ARHGEF11: variants seen among roughly 807,000 people sequenced by gnomAD.
ARHGEF11 encodes Rho guanine nucleotide exchange factor 11.
In ARHGEF11, 55 loss-of-function variants were observed where a neutral mutation model predicts 193.7. That is an observed-to-expected ratio of 0.28 (90% CI 0.23 to 0.36). ARHGEF11 has a LOEUF of 0.36. Ranked by LOEUF, ARHGEF11 falls within the 10% of genes least tolerant of loss-of-function variation. The pLI, the probability that ARHGEF11 is intolerant of heterozygous loss-of-function variation, is 1.00. For synonymous variants in ARHGEF11, 693 were observed against 768.0 expected (o/e 0.90, Z 1.62); for missense variants, 1,723 against 2,005.6 (o/e 0.86, Z 2.69).
chr1:156,963,514 C>G lies in ARHGEF11; in HGVS notation c.1038+6G>C. 6.2e-7 allele frequency: 1 copy of G among 1,612,260 alleles called. No homozygotes were observed. Among genetic ancestry groups the G allele is most frequent in the Non-Finnish European group, 8.5e-7 (1 of 1,179,420 alleles). On this transcript the variant is annotated splice_donor_region_variant and intron_variant, in intron 12 of 40. Coordinates refer to ENST00000368194, the MANE Select transcript of ARHGEF11 (RefSeq NM_198236.3). ...TGATGAAAGGAGAAAACTAGGAAACCGTTACCTCGTTGTTGAAATAACCCG... is the reference window on the plus strand; with the variant it reads ...TGATGAAAGGAGAAAACTAGGAAACGGTTACCTCGTTGTTGAAATAACCCG...
intron 1 of ARHGEF11, among the ~76,000 whole-genome samples, chr1:157,033,872 T>C (rs944932974): frequency 6.6e-6 from 1 of 152,202 alleles, no homozygotes; most frequent in African/African-American, 2.4e-5. Flanking sequence ...TCTTTAGGTG[T>C]CTCTCCCAGT....
intron 7 of ARHGEF11, among the ~76,000 whole-genome samples, chr1:156,974,370 A>G (rs975661855): frequency 6.6e-6 from 1 of 152,162 alleles, no homozygotes; most frequent in African/African-American, 2.4e-5. Flanking sequence ...TCCTGGTCCC[A>G]CTGACATTTT....
chr1:156,976,825 C>T (rs910214254), intron 7 of ARHGEF11, among the ~76,000 whole-genome samples, 158 bp downstream of exon 7: 6 of 152,190 alleles, frequency 3.9e-5, no homozygotes, highest in African/African-American at 1.4e-4. Context: ...ATTCTACTGG[C>T]CAATGACAAT....
At chr1:157,003,957 C>T (rs888906870) in intron 1 of ARHGEF11, among the ~76,000 whole-genome samples, 1 of 152,200 alleles carries the variant, frequency 6.6e-6, no homozygotes, top group Non-Finnish European at 1.5e-5. Context: ...TTATTTTTAT[C>T]ACCACCATGG....
At chr1:156,945,999 G>A (rs762525977) in intron 29 of ARHGEF11, 46 bp downstream of exon 29, 80 of 1,500,204 alleles carry the variant, frequency 5.3e-5, no homozygotes, top group Non-Finnish European at 6.6e-5. Flanking sequence ...TGAGGGTCTG[G>A]CACGAGGCCC....
intron 3 of ARHGEF11, 24 bp downstream of exon 3, chr1:156,984,315 G>T: frequency 6.4e-7 from 1 of 1,554,278 alleles, no homozygotes; most frequent in Non-Finnish European, 8.7e-7. Context: ...TGTCCACCGT[G>T]GGCAGGAGGG....
chr1:157,040,936 A>T (rs1672662629), intron 1 of ARHGEF11, among the ~76,000 whole-genome samples: 1 of 152,232 alleles, frequency 6.6e-6, no homozygotes, highest in African/African-American at 2.4e-5. Flanking sequence ...ATTGTACTTT[A>T]TAGAAATGAA....
At chr1:156,958,600 G>C in intron 17 of ARHGEF11, 142 bp downstream of exon 17, 4 of 1,188,350 alleles carry the variant, frequency 3.4e-6, no homozygotes, top group Non-Finnish European at 4.7e-6. Flanking sequence ...CAATGCAGCA[G>C]GAGTGCAGGA....
In ARHGEF11 at chr1:156,955,787, T is replaced by C; in HGVS notation, c.1684A>G (p.Lys562Glu). Residue 562 changes from lysine (K) to glutamate (E), a missense_variant, in exon 20 of 41, where the codon AAG becomes GAG. Lys to Glu is a moderately conservative substitution (Grantham distance 56). Coordinates refer to ENST00000368194, the MANE Select transcript of ARHGEF11 (RefSeq NM_198236.3). ...TCCTCCAAGGCATCCTTTTCTTTCTTGGAATTGCTGCTCTGCTGAGACAGG... is the reference window on the plus strand; with the variant it reads ...TCCTCCAAGGCATCCTTTTCTTTCTCGGAATTGCTGCTCTGCTGAGACAGG... ...FPKTKKSSNSKKEKDALEDKK... is the reference protein window; with the variant it reads ...FPKTKKSSNSEKEKDALEDKK... 1 of 1,614,030 alleles carries C rather than the reference T, an allele frequency of 6.2e-7. No individual in the cohort carries two copies. Among genetic ancestry groups the C allele is most frequent in the East Asian group, 2.2e-5 (1 of 44,888 alleles).
rs536581179 is a variant in ARHGEF11 at position 156,954,042 on chromosome 1, C to G, written c.1798+850G>C. ...CCATACTTTACATAAAAAATAAAAT[C>G]ACCTTCAAAACTGACATTTTAATTA... On this transcript the variant is annotated intron_variant, in intron 21 of 40. Transcript: ENST00000368194. 3.3e-5 allele frequency among the ~76,000 whole-genome samples: 5 copies of G among 152,204 alleles called. No homozygotes were observed. In the South Asian group the frequency reaches 1.0e-3, roughly 32 times the overall value.
chr1:156,972,567 T>C (rs1662648257), intron 7 of ARHGEF11, among the ~76,000 whole-genome samples: 1 of 152,226 alleles, frequency 6.6e-6, no homozygotes, highest in Non-Finnish European at 1.5e-5. Context: ...AGATGCTCCA[T>C]AAAGCTTGTT....
rs1383403631 is a variant in ARHGEF11, at chr1:156,961,662, C to A, written c.1239+15G>T. ...GAATATGATAAAATTATAATCCAAT[C>A]TATGACTGCCTTACCGCATTTTTCT... On this transcript the variant is annotated intron_variant, in intron 14 of 40. Transcript: ENST00000368194. 6.2e-7 allele frequency: 1 copy of A among 1,610,026 alleles called. No individual in the cohort carries two copies. Among genetic ancestry groups the A allele is most frequent in the East Asian group, 2.2e-5 (1 of 44,870 alleles).
intron 8 of ARHGEF11, among the ~76,000 whole-genome samples, chr1:156,970,624 G>C (rs1662367211): frequency 6.6e-6 from 1 of 152,160 alleles, no homozygotes; most frequent in African/African-American, 2.4e-5. Context: ...TACACAGCAG[G>C]TCAACCCTAA....
chr1:156,959,166 C>A (rs773941545), intron 15 of ARHGEF11, 24 bp from the exon 16 acceptor site: 2 of 1,606,540 alleles, frequency 1.2e-6, no homozygotes, highest in East Asian at 4.5e-5. Flanking sequence ...TCAGAGAAAG[C>A]AGAGTGGATG....
intron 40 of ARHGEF11, among the ~76,000 whole-genome samples, chr1:156,936,497 A>AAAATATATATATATATATATAT (rs370282821): frequency 2.9e-5 from 1 of 33,938 alleles, no homozygotes. Context: ...AAAAAAAAAA[A>AAAATATATATATATATATATAT]ATATATATAT....
intron 11 of ARHGEF11, 176 bp from the exon 12 acceptor site, chr1:156,963,770 T>C (rs1316632419): frequency 7.0e-7 from 1 of 1,429,054 alleles, no homozygotes; most frequent in Non-Finnish European, 9.1e-7. Context: ...GATTTCCACT[T>C]GCAGGAAGTC....
chr1:156,970,229 G>T (rs1662319081), intron 8 of ARHGEF11, among the ~76,000 whole-genome samples, 186 bp from the exon 9 acceptor site: 1 of 152,162 alleles, frequency 6.6e-6, no homozygotes, highest in Non-Finnish European at 1.5e-5. Context: ...GACCCCTAAT[G>T]GTGGAAAGGG....
chr1:156,937,637 G>T, intron 38 of ARHGEF11, 141 bp from the exon 39 acceptor site: 1 of 873,956 alleles, frequency 1.1e-6, no homozygotes, highest in Non-Finnish European at 1.7e-6. Context: ...CGTGGGCCTT[G>T]CTCACTGTCT....
At chr1:157,011,802 T>G (rs1192422541) in intron 1 of ARHGEF11, among the ~76,000 whole-genome samples, 3 of 152,154 alleles carry the variant, frequency 2.0e-5, no homozygotes, top group African/African-American at 7.2e-5. Context: ...TCTACTAGGA[T>G]GACTAGAACA....
Sources: allele counts gnomAD v4.1 joint callset (sites outside exome capture counted in the v4.1 genomes callset), GRCh38; gene constraint gnomAD v4.1.1; transcripts MANE v1.5; gene names NCBI Gene and HGNC (gene_info 2026-07-23, HGNC 2026-07-21).